SUSD5: variants seen among roughly 807,000 people sequenced by gnomAD.
SUSD5 encodes sushi domain containing 5, also known as sushi domain-containing protein 5.
In SUSD5, 33 loss-of-function variants were observed where a neutral mutation model predicts 29.5. The ratio of observed to expected loss-of-function variants is 1.12; its 90% CI spans 0.85 to 1.49. The LOEUF is 1.49. Ranked by LOEUF, SUSD5 falls within the 40% of genes most tolerant of loss-of-function variation. SUSD5 has a pLI of 0.00. For missense variants in SUSD5, 776 were observed against 800.6 expected (o/e 0.97, Z 0.37); for synonymous variants, 308 against 325.3 (o/e 0.95, Z 0.57).
intron 3 of SUSD5, among the ~76,000 whole-genome samples, chr3:33,186,123 G>A (rs1189986480): frequency 6.6e-6 from 1 of 152,060 alleles, no homozygotes; most frequent in East Asian, 1.9e-4. Context: ...CTAACACGGT[G>A]AAACCCTGTC....
intron 4 of SUSD5, among the ~76,000 whole-genome samples, chr3:33,172,302 T>C (rs1192179094): frequency 3.9e-5 from 6 of 152,166 alleles, no homozygotes; most frequent in African/African-American, 1.4e-4. Flanking sequence ...CCCAAGCATA[T>C]AAACCAGAAT....
chr3:33,172,778 T>G (rs2031464678), intron 4 of SUSD5, among the ~76,000 whole-genome samples: 1 of 152,256 alleles, frequency 6.6e-6, no homozygotes, highest in Non-Finnish European at 1.5e-5. Flanking sequence ...CAGGGGAATT[T>G]TATGTCTACT....
intron 3 of SUSD5, among the ~76,000 whole-genome samples, chr3:33,191,338 G>T (rs1019509997): frequency 6.6e-6 from 1 of 151,974 alleles, no homozygotes; most frequent in Non-Finnish European, 1.5e-5. Context: ...CACCGTGTTA[G>T]CCAGGATGGT....
chr3:33,208,075 G>GC (rs1172050800), intron 2 of SUSD5, 149 bp from the exon 3 acceptor site: 2 of 582,446 alleles, frequency 3.4e-6, no homozygotes, highest in Non-Finnish European at 5.9e-6. Context: ...CACATTCTCT[G>GC]CAAAAAAAAG....
intron 4 of SUSD5, among the ~76,000 whole-genome samples, chr3:33,162,187 A>G (rs2031204326): frequency 2.0e-5 from 3 of 152,240 alleles, no homozygotes; most frequent in Admixed American, 2.0e-4. Context: ...ATTAAACAAA[A>G]CATGTCTAAA....
chr3:33,213,321 T>C (rs1356081907), intron 2 of SUSD5, among the ~76,000 whole-genome samples: 1 of 151,842 alleles, frequency 6.6e-6, no homozygotes, highest in Admixed American at 6.6e-5. Flanking sequence ...GGAGAAACAT[T>C]AGAGCCCAGG....
chr3:33,182,559 C>T (rs574202933), intron 3 of SUSD5, among the ~76,000 whole-genome samples: 1 of 152,246 alleles, frequency 6.6e-6, no homozygotes, highest in South Asian at 2.1e-4. Context: ...TCTATTTATC[C>T]TTGCAGTTCT....
chr3:33,193,968 T>C lies in SUSD5; in HGVS notation c.409+13840A>G, dbSNP rs530054917. On this transcript the variant is annotated intron_variant, in intron 3 of 4. Coordinates refer to ENST00000309558, the MANE Select transcript of SUSD5 (RefSeq NM_015551.2). ...ATTAGAAATTATGGCCCAGAAGACATGCGGCCAGAGGCCTCAAGGTTCCTA... is the reference window on the plus strand; with the variant it reads ...ATTAGAAATTATGGCCCAGAAGACACGCGGCCAGAGGCCTCAAGGTTCCTA... Among the ~76,000 whole-genome samples, 6 of 152,318 alleles carry C rather than the reference T, an allele frequency of 3.9e-5. No homozygotes were observed. In the East Asian group the frequency reaches 1.2e-3, roughly 29 times the overall value.
rs185222730 is a variant in SUSD5, at chr3:33,217,318, A to C, written c.112+1368T>G. Among the ~76,000 whole-genome samples, 5 of 152,378 alleles carry C rather than the reference A, an allele frequency of 3.3e-5. No individual in the cohort carries two copies. In the East Asian group the frequency reaches 9.6e-4, roughly 29 times the overall value. On this transcript the variant is annotated intron_variant, in intron 1 of 4. Coordinates refer to ENST00000309558, the MANE Select transcript of SUSD5 (RefSeq NM_015551.2). ...CAGTCAAAAAACACTACAGTGAAGAATTATCAGTAAACTGCTAATAGGTAT... is the reference window on the plus strand; with the variant it reads ...CAGTCAAAAAACACTACAGTGAAGACTTATCAGTAAACTGCTAATAGGTAT...
Position 33,175,068 on chromosome 3 carries a change from G to A in SUSD5, c.416C>T (p.Pro139Leu), listed in dbSNP as rs80313632. The A allele has an allele frequency of 1.9e-5, 31 of 1,613,974 alleles. No individual in the cohort carries two copies. The highest frequency in any genetic ancestry group is 8.0e-5 in the African/African-American group (6 of 75,048). ...SALCIKDEEK[P>L]CGDPPSFPHT... ...TGGGAACGAAGGCGGGTCTCCACACGGCTTCTCTGAGGAGAAGGAATCACA... is the reference window on the plus strand; with the variant it reads ...TGGGAACGAAGGCGGGTCTCCACACAGCTTCTCTGAGGAGAAGGAATCACA... The change falls in exon 4 of 5, where the codon CCG (proline) becomes CTG (leucine). Residue 139 changes from proline to leucine, a missense_variant. Physicochemically the swap from Pro to Leu is moderately conservative, Grantham distance 98. Coordinates refer to ENST00000309558, the MANE Select transcript of SUSD5 (RefSeq NM_015551.2).
At chr3:33,208,233 G>T (rs192653132) in intron 2 of SUSD5, among the ~76,000 whole-genome samples, 7 of 152,072 alleles carry the variant, frequency 4.6e-5, no homozygotes, top group African/African-American at 1.4e-4. Flanking sequence ...TTATTTTGCT[G>T]TTCTTCAAAT....
At chr3:33,208,744 T>C (rs910604248) in intron 2 of SUSD5, among the ~76,000 whole-genome samples, 1 of 152,194 alleles carries the variant, frequency 6.6e-6, no homozygotes, top group East Asian at 1.9e-4. Context: ...TATTGAAATG[T>C]ATTATTACTT....
chr3:33,159,694 C>T (rs1474182897), intron 4 of SUSD5, among the ~76,000 whole-genome samples: 1 of 124,288 alleles, frequency 8.0e-6, no homozygotes, highest in Non-Finnish European at 1.6e-5. Flanking sequence ...GAAACACCAC[C>T]AAACACACCC....
chr3:33,174,315 C>T (rs1293201935), intron 4 of SUSD5, among the ~76,000 whole-genome samples: 2 of 152,156 alleles, frequency 1.3e-5, no homozygotes, highest in African/African-American at 4.8e-5. Context: ...TGGATCAGAA[C>T]TCATATGTGT....
At position 33,153,128 on chromosome 3, in the gene SUSD5, T is replaced by C. The variant is rs766198629; in HGVS notation, c.1504A>G (p.Thr502Ala). The change falls in exon 5 of 5, where the codon ACT becomes GCT. Residue 502 changes from threonine (T) to alanine (A), a missense_variant. Transcript: ENST00000309558. ...ATGTGGTTAGGTGTCTGCTTGACAG[T>C]GTTCACTGTTAATATCTCCAGGGTG... ...SSTLEILTVN[T>A]VKQTPNHIPS... The C allele has an allele frequency of 1.2e-6, 2 of 1,613,904 alleles. No homozygotes were observed. The highest frequency in any genetic ancestry group is 1.7e-5 in the Admixed American group (1 of 60,026).
At chr3:33,178,457 G>GTT (rs1274061219) in intron 3 of SUSD5, among the ~76,000 whole-genome samples, 91 of 109,040 alleles carry the variant, frequency 8.3e-4, no homozygotes, top group African/African-American at 2.2e-3. Flanking sequence ...TTGTTGTTTT[G>GTT]TTTTTTTTTG....
At chr3:33,199,247 C>T (rs977347005) in intron 3 of SUSD5, among the ~76,000 whole-genome samples, 9 of 149,916 alleles carry the variant, frequency 6.0e-5, no homozygotes, top group African/African-American at 1.7e-4. Context: ...CACACACACA[C>T]GTTTACACAT....
Position 33,167,833 on chromosome 3 carries a change from C to T in SUSD5, c.598+7053G>A, listed in dbSNP as rs1327501883. ...AGGTACTGTATCTCTCACCTCCCCT[C>T]TGCTTTCCTGAGTCTGCACTCTGAC... On this transcript the variant is annotated intron_variant, in intron 4 of 4. Transcript: ENST00000309558. This position sits in a 1 kb window ranked among gnomAD's most constrained non-coding sequence, Gnocchi z 4.1. Among the ~76,000 whole-genome samples, 3 of 152,224 alleles carry T rather than the reference C, an allele frequency of 2.0e-5. No homozygotes were observed. Among genetic ancestry groups the T allele is most frequent in the Non-Finnish European group, 4.4e-5 (3 of 68,042 alleles).
At chr3:33,159,973 C>T (rs1448473703) in intron 4 of SUSD5, among the ~76,000 whole-genome samples, 1 of 152,156 alleles carries the variant, frequency 6.6e-6, no homozygotes, top group African/African-American at 2.4e-5. Context: ...TCAGCAAATC[C>T]TAGAGAGACG....
Sources: gnomAD v4.1 joint callset for allele counts (sites outside exome capture counted in the v4.1 genomes callset) on GRCh38, gnomAD v4.1.1 for gene constraint, Gnocchi (gnomAD v3.1) non-coding constraint, MANE v1.5 for transcripts, NCBI Gene and HGNC (gene_info 2026-07-23, HGNC 2026-07-21) for gene names.